UNC5A: variants seen among roughly 807,000 people sequenced by gnomAD.
UNC5A encodes the protein unc-5 netrin receptor A, also known as netrin receptor UNC5A.
Under a neutral mutation model 87.4 loss-of-function variants are expected in UNC5A, and 20 were observed. The observed-to-expected ratio is 0.23, with a 90% CI of 0.16 to 0.33. UNC5A has a LOEUF of 0.33. UNC5A is among the 10% of genes least tolerant of loss of function. The pLI, the probability that UNC5A is intolerant of heterozygous loss-of-function variation, is 1.00. For synonymous variants in UNC5A, 438 were observed against 482.3 expected (o/e 0.91, Z 1.20); for missense variants, 844 against 1,133.4 (o/e 0.74, Z 3.67).
chr5:176,836,386 T>C (rs1435447064), intron 1 of UNC5A, among the ~76,000 whole-genome samples: 4 of 152,200 alleles, frequency 2.6e-5, no homozygotes, highest in South Asian at 2.1e-4. Context: ...TACAGACTTA[T>C]ATGATCTGCA....
At chr5:176,820,542 C>G (rs1756702991) in intron 1 of UNC5A, among the ~76,000 whole-genome samples, 1 of 152,234 alleles carries the variant, frequency 6.6e-6, no homozygotes, top group Non-Finnish European at 1.5e-5. Context: ...TGGCTGGAAT[C>G]CAGACACGCC....
At chr5:176,857,145 C>T (rs575366000) in intron 1 of UNC5A, among the ~76,000 whole-genome samples, 10 of 152,342 alleles carry the variant, frequency 6.6e-5, no homozygotes, top group African/African-American at 2.2e-4. Flanking sequence ...CTTCTACCTT[C>T]TCTGCTGCAC....
intron 1 of UNC5A, among the ~76,000 whole-genome samples, chr5:176,825,632 CTGGCGATGTACT>C (rs1756833207): frequency 6.6e-6 from 1 of 152,120 alleles, no homozygotes; most frequent in African/African-American, 2.4e-5. Flanking sequence ...TTGCTGAGCA[CTGGCGATGTACT>C]TGCACGAAAG....
chr5:176,810,914 C>T lies in UNC5A; in HGVS notation c.70+94C>T, dbSNP rs571917343. On this transcript the variant is annotated intron_variant, in intron 1 of 14. Coordinates refer to ENST00000329542, the MANE Select transcript of UNC5A (RefSeq NM_133369.3). This position sits in a 1 kb window ranked among gnomAD's most constrained non-coding sequence, Gnocchi z 7.3. ...GGGGTCCCTGACCAGCGCTGCCAGA[C>T]CCGGCTGGGAGCCCCCCGAGGCCAA... The T allele has an allele frequency of 2.7e-6, 3 of 1,112,256 alleles. No homozygotes were observed. The highest frequency in any genetic ancestry group is 3.3e-6 in the Non-Finnish European group (3 of 900,190). The allele number at this position is 1,112,256 out of a possible 1,614,324, so 68.9% of individuals were successfully genotyped here. A position where few individuals can be genotyped will look rare whatever the true frequency, so the allele number is the denominator to read the frequency against.
At chr5:176,856,089 C>T (rs1044923188) in intron 1 of UNC5A, among the ~76,000 whole-genome samples, 1 of 152,246 alleles carries the variant, frequency 6.6e-6, no homozygotes, top group Non-Finnish European at 1.5e-5. Flanking sequence ...CTGTCCCTAC[C>T]CCTCCCCTGC....
intron 2 of UNC5A, among the ~76,000 whole-genome samples, chr5:176,864,333 T>TA (rs1331772542): frequency 6.6e-6 from 1 of 152,134 alleles, no homozygotes; most frequent in Non-Finnish European, 1.5e-5. Context: ...GAGACTGCGC[T>TA]AAGGGGCCCC....
chr5:176,845,706 A>G (rs1757387266), intron 1 of UNC5A, among the ~76,000 whole-genome samples: 1 of 152,242 alleles, frequency 6.6e-6, no homozygotes, highest in Admixed American at 6.5e-5. Context: ...CAGATGGACA[A>G]CAAAGAGACA....
At position 176,874,365 on chromosome 5, in the gene UNC5A, C is replaced by A; in HGVS notation, c.1177C>A (p.Gln393Lys). 6.2e-7 allele frequency: 1 copy of A among 1,613,802 alleles called. No individual in the cohort carries two copies. Among genetic ancestry groups the A allele is most frequent in the South Asian group, 1.1e-5 (1 of 91,044 alleles). ...GCAGGATGGGCCCAGCCCCAAGTTC[C>A]AGCTCACCAATGGGCACCTGCTCAG... ...PRQDGPSPKF[Q>K]LTNGHLLSPL... is the part of the protein sequence containing the mutation. Residue 393 changes from glutamine to lysine, a missense_variant, in exon 8 of 15, where the codon CAG (glutamine) becomes AAG (lysine). Physicochemically the swap from Gln to Lys is moderately conservative, Grantham distance 53 (BLOSUM62 1). This residue lies in a region of UNC5A where 353 missense variants were observed against 387.5 expected (regional missense o/e 0.91). Transcript: ENST00000329542. This position sits in a 1 kb window ranked among gnomAD's most constrained non-coding sequence, Gnocchi z 7.6.
At chr5:176,862,279 T>C (rs1329092400) in intron 1 of UNC5A, among the ~76,000 whole-genome samples, 1 of 152,186 alleles carries the variant, frequency 6.6e-6, no homozygotes, top group Admixed American at 6.5e-5. Context: ...TGGCCAGCCT[T>C]GCCCTGGACC....
chr5:176,867,178 G>T (rs1435375470), intron 2 of UNC5A, among the ~76,000 whole-genome samples: 1 of 152,204 alleles, frequency 6.6e-6, no homozygotes, highest in African/African-American at 2.4e-5. Context: ...GGGAAATTGG[G>T]GTCAGGAGGA....
chr5:176,812,639 G>A (rs894790807), intron 1 of UNC5A, among the ~76,000 whole-genome samples: 1 of 152,158 alleles, frequency 6.6e-6, no homozygotes, highest in Non-Finnish European at 1.5e-5. Context: ...CTGTGGGGGT[G>A]GGGAAACTGC....
At chr5:176,878,931 A>G (rs1455320808) in intron 13 of UNC5A, among the ~76,000 whole-genome samples, 1 of 152,122 alleles carries the variant, frequency 6.6e-6, no homozygotes, top group African/African-American at 2.4e-5. Flanking sequence ...CCAAAGAATG[A>G]GCCAGTTTGG....
intron 1 of UNC5A, among the ~76,000 whole-genome samples, chr5:176,812,441 G>A (rs1346496110): frequency 3.3e-5 from 5 of 152,196 alleles, no homozygotes; most frequent in Admixed American, 1.3e-4. Context: ...CAGGGGGGTT[G>A]GCATGGTGTG....
At chr5:176,827,410 T>C (rs1447288608) in intron 1 of UNC5A, among the ~76,000 whole-genome samples, 1 of 151,890 alleles carries the variant, frequency 6.6e-6, no homozygotes, top group Non-Finnish European at 1.5e-5. Context: ...CTCAAACTCT[T>C]GACCTCAAAT....
At chr5:176,857,739 T>A (rs1405577899) in intron 1 of UNC5A, among the ~76,000 whole-genome samples, 1 of 152,192 alleles carries the variant, frequency 6.6e-6, no homozygotes, top group East Asian at 1.9e-4. Context: ...CTTCAGGGCT[T>A]GAGTCATCCA....
chr5:176,836,002 T>C (rs1356932521), intron 1 of UNC5A, among the ~76,000 whole-genome samples: 1 of 152,122 alleles, frequency 6.6e-6, no homozygotes, highest in African/African-American at 2.4e-5. Context: ...TGGAAGAGGA[T>C]GTGTATAGTG....
intron 1 of UNC5A, among the ~76,000 whole-genome samples, chr5:176,852,720 C>T (rs7705678): frequency 0.013 from 1,955 of 152,350 alleles, 24 homozygotes; most frequent in African/African-American, 0.032. Flanking sequence ...GCACTCCCCC[C>T]GGGAGTTTCT....
intron 1 of UNC5A, among the ~76,000 whole-genome samples, chr5:176,819,105 A>G (rs981858401): frequency 1.3e-5 from 2 of 152,122 alleles, no homozygotes; most frequent in African/African-American, 2.4e-5. Context: ...GTTGGTTAAG[A>G]CAGGGCTCCC....
intron 1 of UNC5A, among the ~76,000 whole-genome samples, chr5:176,814,382 C>T (rs1319846689): frequency 6.6e-6 from 1 of 152,162 alleles, no homozygotes; most frequent in Non-Finnish European, 1.5e-5. Context: ...GTGGGGTGGG[C>T]ACCCCCAGGC....
Sources: gnomAD v4.1 joint callset for allele counts (sites outside exome capture counted in the v4.1 genomes callset) on GRCh38, gnomAD v4.1.1 for gene constraint, gnomAD v4.1.1 regional missense constraint, Gnocchi (gnomAD v3.1) non-coding constraint, MANE v1.5 for transcripts, NCBI Gene and HGNC (gene_info 2026-07-23, HGNC 2026-07-21) for gene names.